The following SLC39A10 variants were observed in gnomAD, a reference collection of about 807,000 sequenced individuals.
The protein encoded by SLC39A10 is solute carrier family 39 member 10.
Under a neutral mutation model 65.1 loss-of-function variants are expected in SLC39A10, and 13 were observed. That is an observed-to-expected ratio of 0.20 (90% CI 0.13 to 0.32). SLC39A10 has a LOEUF of 0.32. Among genes scored for constraint, SLC39A10 ranks in the 10% least tolerant of loss-of-function variants. The pLI is 1.00. For missense variants in SLC39A10, 831 were observed against 1,018.4 expected (o/e 0.82, Z 2.50); for synonymous variants, 321 against 342.2 (o/e 0.94, Z 0.68).
At chr2:195,636,561 C>T (rs1241819031) in intron 2 of SLC39A10, among the ~76,000 whole-genome samples, 1 of 151,736 alleles carries the variant, frequency 6.6e-6, no homozygotes, top group Non-Finnish European at 1.5e-5. Flanking sequence ...ACCATCCTGG[C>T]TAACACGGTG....
intron 2 of SLC39A10, among the ~76,000 whole-genome samples, chr2:195,625,503 C>T (rs542252056): frequency 9.2e-5 from 14 of 152,014 alleles, no homozygotes; most frequent in Admixed American, 3.3e-4. Flanking sequence ...TCTCGAACTC[C>T]GGACCTCAGG....
chr2:195,654,590 T>A (rs1264129188), upstream of SLC39A10, among the ~76,000 whole-genome samples: 1 of 152,212 alleles, frequency 6.6e-6, no homozygotes, highest in Non-Finnish European at 1.5e-5. Flanking sequence ...TCAGTACCTC[T>A]CTTTCCCCCA....
At chr2:195,628,056 T>G (rs1317128302) in intron 2 of SLC39A10, among the ~76,000 whole-genome samples, 1 of 152,020 alleles carries the variant, frequency 6.6e-6, no homozygotes, top group Admixed American at 6.5e-5. Flanking sequence ...TTAAAACATG[T>G]AAGTAACTAC....
chr2:195,619,435 G>A (rs1370919167), intron 2 of SLC39A10, among the ~76,000 whole-genome samples: 2 of 152,214 alleles, frequency 1.3e-5, no homozygotes, highest in Admixed American at 6.5e-5. Flanking sequence ...TGGGGATGGA[G>A]AGATACTGAT....
intron 1 of SLC39A10, among the ~76,000 whole-genome samples, chr2:195,670,193 A>G (rs575998546): frequency 1.3e-5 from 2 of 151,536 alleles, no homozygotes; most frequent in Non-Finnish European, 2.9e-5. Context: ...GTAAGCTTTT[A>G]CAGGAGAAAT....
chr2:195,676,452 C>T (rs1690093880), intron 1 of SLC39A10, among the ~76,000 whole-genome samples: 1 of 150,902 alleles, frequency 6.6e-6, no homozygotes, highest in Admixed American at 6.6e-5. Flanking sequence ...TGCTTTGTGT[C>T]TTGCCTAAAA....
rs1276220251 is a variant in SLC39A10 at position 195,683,825 on chromosome 2, C to T, written c.1135C>T (p.His379Tyr). ...YQIDSRLCIE[H>Y]FDKLLVEDIN... ...AATCGACAGCAGACTTTGTATTGAG[C>T]ATTTTGACAAACTTTTAGTTGAAGA... The change falls in exon 3 of 10, where the codon CAT (histidine) becomes TAT (tyrosine). Residue 379 changes from histidine (H) to tyrosine (Y), a missense_variant. Physicochemically the swap from His to Tyr is moderately conservative, Grantham distance 83. Coordinates refer to ENST00000359634, the MANE Select transcript of SLC39A10 (RefSeq NM_020342.3). The T allele has an allele frequency of 6.2e-7, 1 of 1,613,148 alleles. No homozygotes were observed. Among genetic ancestry groups the T allele is most frequent in the South Asian group, 1.1e-5 (1 of 91,066 alleles).
Position 195,680,560 on chromosome 2 carries a change from A to C in SLC39A10, c.518A>C (p.Asp173Ala), listed in dbSNP as rs1291926442. 4.3e-6 allele frequency: 7 copies of C among 1,614,140 alleles called. No individual in the cohort carries two copies. The highest frequency in any genetic ancestry group is 5.9e-6 in the Non-Finnish European group (7 of 1,180,026). Residue 173 changes from aspartate (D) to alanine (A), a missense_variant, in exon 2 of 10, where the codon GAC (aspartate) becomes GCC (alanine). Asp to Ala is a moderately radical substitution (Grantham distance 126). Around this residue, in one of 4 missense-constraint regions of SLC39A10, gnomAD observed 446 missense variants for 499.2 expected, o/e 0.89. Transcript: ENST00000359634. The stretch of plus-strand genomic sequence containing the variant: ...AAATCTGATGATAAACATATGCATG[A>C]CCATAATCACCGCCTACGTCATCAC... The part of the protein sequence containing the change: ...SVKSDDKHMH[D>A]HNHRLRHHHR...
At chr2:195,701,376 TAAAGTCA>T in intron 3 of SLC39A10, among the ~76,000 whole-genome samples, 1 of 149,562 alleles carries the variant, frequency 6.7e-6, no homozygotes, top group Admixed American at 6.6e-5. Flanking sequence ...ACAGTTGTTT[TAAAGTCA>T]TTGTCTAGTA....
chr2:195,708,867 A>G (rs1447464769), intron 5 of SLC39A10, 23 bp downstream of exon 5: 1 of 1,523,786 alleles, frequency 6.6e-7, no homozygotes, highest in Non-Finnish European at 8.9e-7. Context: ...TATTTATTTA[A>G]TTTTATACCA....
chr2:195,723,390 TGTA>T (rs1415391899), intron 8 of SLC39A10, among the ~76,000 whole-genome samples: 1 of 152,166 alleles, frequency 6.6e-6, no homozygotes, highest in African/African-American at 2.4e-5. Context: ...CAGAAAAGCC[TGTA>T]GTAGGAGGAG....
In SLC39A10 at chr2:195,703,219, A is replaced by G. The variant is rs143244129; in HGVS notation, c.1217-3397A>G. On this transcript the variant is annotated intron_variant, in intron 3 of 9. Transcript: ENST00000359634. Reference sequence around the variant, plus strand: ...TTTTTTCTAGCAGTATAATATGACAATAGCTAGTATGTGGCCAGTTCAAGT... The same window carrying G: ...TTTTTTCTAGCAGTATAATATGACAGTAGCTAGTATGTGGCCAGTTCAAGT... Among the ~76,000 whole-genome samples, 13 of 152,346 alleles carry G rather than the reference A, an allele frequency of 8.5e-5. 1 individual carries two copies. The highest frequency in any genetic ancestry group is 3.1e-4 in the African/African-American group (13 of 41,582).
upstream of SLC39A10, chr2:195,656,724 A>G (rs1156736051): frequency 6.6e-6 from 1 of 152,196 alleles, no homozygotes. Flanking sequence ...TAGATGTTTA[A>G]CTCGTATACA....
chr2:195,700,357 A>G (rs1038912290), intron 3 of SLC39A10, among the ~76,000 whole-genome samples: 3 of 152,100 alleles, frequency 2.0e-5, no homozygotes, highest in African/African-American at 7.2e-5. Flanking sequence ...TGAAAAGGTT[A>G]AATTCCTTTT....
intron 2 of SLC39A10, among the ~76,000 whole-genome samples, chr2:195,615,096 C>T (rs1230512630): frequency 6.6e-6 from 1 of 151,992 alleles, no homozygotes; most frequent in African/African-American, 2.4e-5. Flanking sequence ...GTCTGGTTTC[C>T]CTCATAGAAG....
chr2:195,683,555 A>C, intron 2 of SLC39A10, 144 bp from the exon 3 acceptor site: 1 of 631,020 alleles, frequency 1.6e-6, no homozygotes, highest in Non-Finnish European at 2.6e-6. Flanking sequence ...ATTCTTATTA[A>C]AAAGTTTTAT....
At chr2:195,704,776 C>G (rs1397558926) in intron 3 of SLC39A10, among the ~76,000 whole-genome samples, 1 of 151,138 alleles carries the variant, frequency 6.6e-6, no homozygotes, top group African/African-American at 2.4e-5. Flanking sequence ...CCACCCCTGC[C>G]CCTGTGTTTT....
At chr2:195,647,951 A>G (rs1688959188) in intron 2 of SLC39A10, among the ~76,000 whole-genome samples, 1 of 152,194 alleles carries the variant, frequency 6.6e-6, no homozygotes, top group Non-Finnish European at 1.5e-5. Flanking sequence ...TAAGGACTGA[A>G]AAGTAAATGT....
chr2:195,705,713 GTAGA>G (rs1691375500), intron 3 of SLC39A10, among the ~76,000 whole-genome samples: 3 of 152,200 alleles, frequency 2.0e-5, no homozygotes, highest in Admixed American at 6.5e-5. Flanking sequence ...GAGATTTTCT[GTAGA>G]TAGATCTTAA....
Sources: gnomAD v4.1 joint callset for allele counts (sites outside exome capture counted in the v4.1 genomes callset) on GRCh38, gnomAD v4.1.1 for gene constraint, gnomAD v4.1.1 regional missense constraint, MANE v1.5 for transcripts, NCBI Gene and HGNC (gene_info 2026-07-23, HGNC 2026-07-21) for gene names.